POC5: variants seen among roughly 807,000 people sequenced by gnomAD.
POC5 encodes centrosomal protein POC5.
POC5 carries 48 observed loss-of-function variants against 62.9 expected under a neutral mutation model. That is an observed-to-expected ratio of 0.76 (90% CI 0.61 to 0.97). The LOEUF is 0.97. Ranked by LOEUF, POC5 falls within the 50% of genes least tolerant of loss-of-function variation. POC5 has a pLI of 0.00. For missense variants in POC5, 696 were observed against 679.5 expected, an observed-to-expected ratio of 1.02 and a Z score of -0.27; for synonymous variants, 236 against 228.2, an observed-to-expected ratio of 1.03 and a Z score of -0.31.
intron 4 of POC5, among the ~76,000 whole-genome samples, chr5:75,704,397 C>T (rs1401040767): frequency 6.6e-6 from 1 of 151,976 alleles, no homozygotes; most frequent in Non-Finnish European, 1.5e-5. Context: ...TTTTTGCAAA[C>T]ATATTCTGCT....
chr5:75,704,153 C>CA lies in POC5; in HGVS notation c.308-1344dup, dbSNP rs373819320. On this transcript the variant is annotated intron_variant, in intron 4 of 11. Coordinates refer to ENST00000428202, the MANE Select transcript of POC5 (RefSeq NM_001099271.2). ...TGGGTGATAGAGCGAGACTCTGTCTCAAAAAAAAAAAAAAAAAGCACTGAG... is the reference window on the plus strand; with the variant it reads ...TGGGTGATAGAGCGAGACTCTGTCTCAAAAAAAAAAAAAAAAAAGCACTGAG... 3.4e-3 allele frequency among the ~76,000 whole-genome samples: 302 copies of CA among 89,358 alleles called. 4 individuals are homozygous for CA. The highest frequency in any genetic ancestry group is 0.017 in the South Asian group (48 of 2,794). The allele number at this position is 89,358 out of a possible 152,430, so 58.6% of individuals were successfully genotyped here. A position where few individuals can be genotyped will look rare whatever the true frequency, so the allele number is the denominator to read the frequency against.
Position 75,707,849 on chromosome 5 carries a change from A to G in POC5, c.111T>C (p.Tyr37=). 4 of 1,591,448 alleles carry G rather than the reference A, an allele frequency of 2.5e-6. No individual in the cohort carries two copies. The highest frequency in any genetic ancestry group is 3.4e-6 in the Non-Finnish European group (4 of 1,165,390). ...LQEEYEELLH[Y]AIVTPNIEPC... is the part of the protein sequence containing the mutation. ...GTTCAATATTTGGAGTCACTATAGCATAATGAAGCAGTTCTTCATATTCTT... is the reference window on the plus strand; with the variant it reads ...GTTCAATATTTGGAGTCACTATAGCGTAATGAAGCAGTTCTTCATATTCTT... The change falls in exon 3 of 12, where the codon TAT becomes TAC. Residue 37 remains tyrosine (Y), a synonymous_variant. Transcript: ENST00000428202.
intron 8 of POC5, 26 bp from the exon 9 acceptor site, chr5:75,689,191 A>G: frequency 6.6e-7 from 1 of 1,510,426 alleles, no homozygotes; most frequent in Non-Finnish European, 8.9e-7. Context: ...TTAAAAAGCA[A>G]AACAATTTGA....
intron 2 of POC5, 101 bp downstream of exon 2, chr5:75,712,752 CT>C: frequency 1.1e-6 from 1 of 931,590 alleles, no homozygotes; most frequent in South Asian, 1.6e-5. Context: ...GAAAAACTCC[CT>C]TGTAAATGGA....
Position 75,688,881 on chromosome 5 carries a change from A to G in POC5, c.1129+131T>C, listed in dbSNP as rs747334215. 494 of 918,688 alleles carry G rather than the reference A, an allele frequency of 5.4e-4. 2 individuals carry two copies. Among genetic ancestry groups the G allele is most frequent in the Admixed American group, 1.5e-3 (39 of 26,308 alleles). The allele number at this position is 918,688 out of a possible 1,614,324, so 56.9% of individuals were successfully genotyped here. ...TTTAAGTCTGGATATGACACCATAG[A>G]ATTAAGAATAGCAGCACCTGGATGA... is the stretch of plus-strand genomic sequence containing the variant. On this transcript the variant is annotated intron_variant, in intron 9 of 11. Transcript: ENST00000428202.
At position 75,712,440 on chromosome 5, in the gene POC5, C is replaced by T. The variant is rs1777388267; in HGVS notation, c.84+414G>A. Reference sequence around the variant, plus strand: ...CAGATTGTACTGAATGTTGTGACAACAGAGACCAAACCTCAGCAAGTAGAA... The same window carrying T: ...CAGATTGTACTGAATGTTGTGACAATAGAGACCAAACCTCAGCAAGTAGAA... On this transcript the variant is annotated intron_variant, in intron 2 of 11. Transcript: ENST00000428202. The T allele has an allele frequency of 3.7e-6, 6 of 1,611,952 alleles. No homozygotes were observed. The Admixed American group carries it at 1.0e-4, about 27-fold the overall frequency.
intron 10 of POC5, among the ~76,000 whole-genome samples, 182 bp downstream of exon 10, chr5:75,685,025 A>C (rs1465595997): frequency 6.6e-6 from 1 of 151,502 alleles, no homozygotes; most frequent in Non-Finnish European, 1.5e-5. Context: ...CTGCCACCAC[A>C]CCCGGCTAAT....
At chr5:75,716,968 A>G (rs961873350) in intron 1 of POC5, among the ~76,000 whole-genome samples, 25 of 152,264 alleles carry the variant, frequency 1.6e-4, no homozygotes, top group African/African-American at 3.9e-4. Flanking sequence ...GCAAAAGGCC[A>G]TAAGTTTTCT....
intron 4 of POC5, 22 bp from the exon 5 acceptor site, chr5:75,702,832 G>A: frequency 6.6e-7 from 1 of 1,513,054 alleles, no homozygotes; most frequent in Non-Finnish European, 9.0e-7. Flanking sequence ...AAAAGTTGTA[G>A]CTGTCAAGCC....
chr5:75,686,993 G>A (rs915845587), intron 9 of POC5, among the ~76,000 whole-genome samples: 3 of 152,104 alleles, frequency 2.0e-5, no homozygotes, highest in African/African-American at 4.8e-5. Flanking sequence ...CAAGACAGAT[G>A]CATTAGGAAC....
chr5:75,675,939 A>G (rs1775633268), intron 11 of POC5, among the ~76,000 whole-genome samples: 2 of 152,202 alleles, frequency 1.3e-5, no homozygotes, highest in Non-Finnish European at 2.9e-5. Context: ...CTTGATTCCC[A>G]GGGTGAAAAG....
chr5:75,697,440 C>T (rs1235792936), intron 5 of POC5, among the ~76,000 whole-genome samples: 1 of 152,080 alleles, frequency 6.6e-6, no homozygotes. Flanking sequence ...CCCAGAATTT[C>T]ATATCCAGCC....
intron 2 of POC5, among the ~76,000 whole-genome samples, chr5:75,711,891 T>C (rs990801473): frequency 6.6e-6 from 1 of 152,250 alleles, no homozygotes; most frequent in Non-Finnish European, 1.5e-5. Flanking sequence ...TACATTTTAG[T>C]ATAAATGAGT....
chr5:75,697,662 A>G (rs943211779), intron 5 of POC5, among the ~76,000 whole-genome samples: 6 of 152,132 alleles, frequency 3.9e-5, no homozygotes, highest in African/African-American at 1.2e-4. Flanking sequence ...GAGCAAAATA[A>G]TCAGCTAACA....
rs369986527 is a variant in POC5 at position 75,707,772 on chromosome 5, C to T, written c.188G>A (p.Arg63Lys). Reference sequence around the variant, plus strand: ...AAGAATATCATGAATTGTAGAAATTCTGACATCTGGCACCAATTCTCCCTT... The same window carrying T: ...AAGAATATCATGAATTGTAGAAATTTTGACATCTGGCACCAATTCTCCCTT... ...HPKGELVPDVRISTIHDILHS... is the reference protein window; with the variant it reads ...HPKGELVPDVKISTIHDILHS... The change falls in exon 3 of 12, where the codon AGA becomes AAA. Residue 63 changes from arginine to lysine, a missense_variant. Physicochemically the swap from Arg to Lys is conservative, Grantham distance 26. Transcript: ENST00000428202. 1 of 1,561,738 alleles carries T rather than the reference C, an allele frequency of 6.4e-7. No homozygotes were observed. The highest frequency in any genetic ancestry group is 2.3e-5 in the East Asian group (1 of 42,810).
rs770710353 is a variant in POC5, at chr5:75,705,804, T to C, written c.224-17A>G. The C allele has an allele frequency of 1.4e-5, 21 of 1,482,726 alleles. No homozygotes were observed. The highest frequency in any genetic ancestry group is 3.9e-5 in the South Asian group (3 of 77,200). 91.8% of individuals were successfully genotyped at this position (1,482,726 alleles called of 1,614,324 possible). On this transcript the variant is annotated splice_polypyrimidine_tract_variant and intron_variant, in intron 3 of 11. Transcript: ENST00000428202. The stretch of plus-strand genomic sequence containing the variant: ...AGTTATTTCCTGCCAAAAAGAAAGC[T>C]TTTTAAAATTAAACTGAACCACTCT...
At chr5:75,678,753 T>C (rs1775770655) in intron 10 of POC5, among the ~76,000 whole-genome samples, 1 of 152,172 alleles carries the variant, frequency 6.6e-6, no homozygotes, top group Admixed American at 6.5e-5. Flanking sequence ...TACTTCTGTA[T>C]AATAAAAATA....
chr5:75,714,187 C>T lies in POC5; in HGVS notation c.-14-1236G>A, dbSNP rs534306216. 1.4e-4 allele frequency among the ~76,000 whole-genome samples: 21 copies of T among 152,176 alleles called. No homozygotes were observed. The South Asian group carries it at 3.1e-3, about 23-fold the overall frequency. ...CTGAGGTCAGGAGTTTGAGACCAGC[C>T]TGGCCAACATGGCGAAACCCTGTCT... is the stretch of plus-strand genomic sequence containing the variant. On this transcript the variant is annotated intron_variant, in intron 1 of 11. Transcript: ENST00000428202.
At chr5:75,698,843 C>T (rs757891439) in intron 5 of POC5, among the ~76,000 whole-genome samples, 7 of 151,854 alleles carry the variant, frequency 4.6e-5, no homozygotes, top group East Asian at 3.9e-4. Flanking sequence ...AGAAGAAAAG[C>T]GAGAAGAATC....
Sources: allele counts gnomAD v4.1 joint callset (sites outside exome capture counted in the v4.1 genomes callset), GRCh38; gene constraint gnomAD v4.1.1; transcripts MANE v1.5; gene names NCBI Gene and HGNC (gene_info 2026-07-23, HGNC 2026-07-21).